Variants in LY86 observed in about 807,000 individuals in gnomAD.
The protein encoded by LY86 is MD-1, RP105-associated.
A neutral mutation model predicts 17.3 loss-of-function variants in LY86; 20 were observed. The ratio of observed to expected loss-of-function variants is 1.15; its 90% CI spans 0.81 to 1.68. The LOEUF is 1.68. Ranked by LOEUF, LY86 falls within the 40% of genes most tolerant of loss-of-function variation. The pLI is 0.00. For missense variants in LY86, 200 were observed against 191.9 expected (o/e 1.04, Z -0.25); for synonymous variants, 74 against 70.6 (o/e 1.05, Z -0.24).
At chr6:6,653,405 G>A (rs535870349) in intron 4 of LY86, among the ~76,000 whole-genome samples, 5 of 152,044 alleles carry the variant, frequency 3.3e-5, no homozygotes, top group South Asian at 2.1e-4. Context: ...CCTCTGCTCC[G>A]CTTGCGACCC....
At chr6:6,590,847 G>A (rs1760504236) in intron 1 of LY86, among the ~76,000 whole-genome samples, 3 of 152,198 alleles carry the variant, frequency 2.0e-5, no homozygotes, top group Admixed American at 6.5e-5. Context: ...GCTGCCCAGA[G>A]AGGTCCAGAT....
intron 1 of LY86, among the ~76,000 whole-genome samples, chr6:6,592,757 C>T (rs887424363): frequency 2.6e-5 from 4 of 152,190 alleles, no homozygotes; most frequent in East Asian, 1.9e-4. Context: ...AACCAGGAAG[C>T]GAGCCCTCAC....
chr6:6,652,144 G>C (rs1442686959), intron 4 of LY86, among the ~76,000 whole-genome samples: 3 of 150,564 alleles, frequency 2.0e-5, no homozygotes, highest in Admixed American at 6.6e-5. Context: ...CATGAAGGAA[G>C]TGCAGAACGT....
intron 1 of LY86, among the ~76,000 whole-genome samples, chr6:6,618,841 T>C (rs1761613005): frequency 6.6e-6 from 1 of 151,860 alleles, no homozygotes; most frequent in South Asian, 2.1e-4. Flanking sequence ...ATTTGACAGG[T>C]AGAAAAAAGA....
At chr6:6,609,740 C>T (rs1442050712) in intron 1 of LY86, among the ~76,000 whole-genome samples, 1 of 151,710 alleles carries the variant, frequency 6.6e-6, no homozygotes, top group Non-Finnish European at 1.5e-5. Flanking sequence ...TTCATTAGCA[C>T]ATGTAGGAAG....
intron 1 of LY86, among the ~76,000 whole-genome samples, chr6:6,601,951 C>T (rs7763349): frequency 0.9 from 137,662 of 152,262 alleles, 62,284 homozygotes; most frequent in Middle Eastern, 0.98. Context: ...TTCAACATTG[C>T]GCAGACCAAC....
At chr6:6,652,076 A>G (rs868435560) in intron 4 of LY86, among the ~76,000 whole-genome samples, 4 of 150,214 alleles carry the variant, frequency 2.7e-5, no homozygotes, top group African/African-American at 7.4e-5. Context: ...AAAAAAAAAA[A>G]AAAAAGGAAA....
intron 1 of LY86, among the ~76,000 whole-genome samples, chr6:6,610,377 G>A (rs1219516986): frequency 6.6e-6 from 1 of 152,162 alleles, no homozygotes; most frequent in Non-Finnish European, 1.5e-5. Context: ...CTGAGGCTAC[G>A]CATCTCCCTC....
At chr6:6,613,292 G>C (rs1283888227) in intron 1 of LY86, among the ~76,000 whole-genome samples, 1 of 152,242 alleles carries the variant, frequency 6.6e-6, no homozygotes, top group Non-Finnish European at 1.5e-5. Context: ...CTCAGCCCTT[G>C]TGCAGTCTAG....
At chr6:6,641,031 C>T (rs921600540) in intron 3 of LY86, among the ~76,000 whole-genome samples, 1 of 152,206 alleles carries the variant, frequency 6.6e-6, no homozygotes, top group African/African-American at 2.4e-5. Context: ...TCCAAACTCA[C>T]ATTATACAGT....
intron 3 of LY86, among the ~76,000 whole-genome samples, chr6:6,639,065 G>A (rs1271724212): frequency 6.6e-6 from 1 of 151,908 alleles, no homozygotes; most frequent in African/African-American, 2.4e-5. Context: ...AGAAAATGTG[G>A]CACATATACA....
chr6:6,634,181 C>T (rs1761932340), intron 3 of LY86, among the ~76,000 whole-genome samples: 1 of 152,184 alleles, frequency 6.6e-6, no homozygotes, highest in African/African-American at 2.4e-5. Flanking sequence ...GATACACATA[C>T]CTCCCTGTGT....
intron 4 of LY86, among the ~76,000 whole-genome samples, chr6:6,650,335 TAATG>T (rs1762168042): frequency 1.6e-5 from 2 of 126,996 alleles, no homozygotes; most frequent in Non-Finnish European, 3.3e-5. Flanking sequence ...ACCCCTCAGA[TAATG>T]GTTTTTTTTT....
chr6:6,653,450 C>T lies in LY86; in HGVS notation c.406-1094C>T, dbSNP rs138462527. On this transcript the variant is annotated intron_variant, in intron 4 of 4. Transcript: ENST00000230568. ...CCCAGAGCATTTTCCTCTCCAGATT[C>T]GTGTCTACAAACACATCACCGCTCC... Among the ~76,000 whole-genome samples, 235 of 152,306 alleles carry T rather than the reference C, an allele frequency of 1.5e-3. 1 individual carries two copies. The highest frequency in any genetic ancestry group is 2.4e-3 in the Non-Finnish European group (165 of 68,018).
At chr6:6,650,718 TA>T (rs1436206302) in intron 4 of LY86, among the ~76,000 whole-genome samples, 3 of 152,216 alleles carry the variant, frequency 2.0e-5, no homozygotes, top group Non-Finnish European at 2.9e-5. Flanking sequence ...TATGTGTATG[TA>T]ATATGTAGTG....
chr6:6,588,912 C>G, intron 1 of LY86, 42 bp downstream of exon 1: 1 of 1,599,874 alleles, frequency 6.3e-7, no homozygotes, highest in Non-Finnish European at 8.5e-7. Flanking sequence ...ATGGGGAAAG[C>G]AAGGCCCACA....
At chr6:6,611,297 A>G (rs936028355) in intron 1 of LY86, among the ~76,000 whole-genome samples, 4 of 152,206 alleles carry the variant, frequency 2.6e-5, no homozygotes, top group African/African-American at 9.7e-5. Flanking sequence ...AAGAGCCTAC[A>G]TAACATAGGC....
rs955609564 is a variant in LY86 at position 6,613,271 on chromosome 6, C to G, written c.137-11655C>G. 5.3e-5 allele frequency among the ~76,000 whole-genome samples: 8 copies of G among 152,266 alleles called. 1 individual carries two copies. The highest frequency in any genetic ancestry group is 4.8e-5 in the African/African-American group (2 of 41,480). On this transcript the variant is annotated intron_variant, in intron 1 of 4. Transcript: ENST00000230568. ...AGCTGCCTGCCAATCCCGCGCCGTGCGCCCGCACTCCTCAGCCCTTGTGCA... is the reference window on the plus strand; with the variant it reads ...AGCTGCCTGCCAATCCCGCGCCGTGGGCCCGCACTCCTCAGCCCTTGTGCA...
At position 6,612,139 on chromosome 6, in the gene LY86, AGATT is replaced by A. The variant is rs532925573; in HGVS notation, c.137-12783_137-12780del. Among the ~76,000 whole-genome samples the A allele has an allele frequency of 3.6e-3, 549 of 152,132 alleles. 6 individuals carry two copies. The highest frequency in any genetic ancestry group is 0.012 in the African/African-American group (512 of 41,446). On this transcript the variant is annotated intron_variant, in intron 1 of 4. Transcript: ENST00000230568. ...CCAAAAATCAGCTCAACAACTCCTA[AGATT>A]GATAGATGTGTCCACAATTTGGGGG...
Sources: gnomAD v4.1 joint callset for allele counts (sites outside exome capture counted in the v4.1 genomes callset) on GRCh38, gnomAD v4.1.1 for gene constraint, MANE v1.5 for transcripts, NCBI Gene and HGNC (gene_info 2026-07-23, HGNC 2026-07-21) for gene names.